The following HSD17B3 variants were observed in gnomAD, a reference collection of about 807,000 sequenced individuals.
The protein encoded by HSD17B3 is hydroxysteroid 17-beta dehydrogenase 3.
HSD17B3 carries 29 observed loss-of-function variants against 41.1 expected under a neutral mutation model. The ratio of observed to expected loss-of-function variants is 0.71; its 90% confidence interval spans 0.53 to 0.96. The LOEUF (loss-of-function observed/expected upper bound fraction) is 0.96. HSD17B3 is among the 40% of genes least tolerant of loss of function. The pLI is 0.00. For synonymous variants in HSD17B3, 126 were observed against 145.6 expected, an observed-to-expected ratio of 0.87 and a Z score of 0.97; for missense variants, 323 against 374.6, an observed-to-expected ratio of 0.86 and a Z score of 1.14.
intron 2 of HSD17B3, among the ~76,000 whole-genome samples, chr9:96,263,749 A>C (rs1825948109): frequency 6.6e-6 from 1 of 152,036 alleles, no homozygotes; most frequent in Admixed American, 6.6e-5. Flanking sequence ...ATAAAAAATA[A>C]AAATAAAAAT....
At chr9:96,258,315 T>G (rs1371642546) in intron 2 of HSD17B3, among the ~76,000 whole-genome samples, 1 of 152,214 alleles carries the variant, frequency 6.6e-6, no homozygotes, top group Admixed American at 6.5e-5. Context: ...TATTCCACAA[T>G]ATGTTTTTCA....
At chr9:96,254,030 C>T (rs1005981538) in intron 3 of HSD17B3, among the ~76,000 whole-genome samples, 15 of 152,116 alleles carry the variant, frequency 9.9e-5, no homozygotes, top group Admixed American at 9.8e-4. Flanking sequence ...GTCTCCATAA[C>T]TAAAGTCTCA....
At chr9:96,251,299 T>C in intron 5 of HSD17B3, 119 bp downstream of exon 5, 1 of 805,520 alleles carries the variant, frequency 1.2e-6, no homozygotes, top group Non-Finnish European at 2.2e-6. Context: ...ATACATACAG[T>C]CCAGGATTTC....
At chr9:96,264,793 A>G (rs1254420283) in intron 2 of HSD17B3, among the ~76,000 whole-genome samples, 1 of 152,236 alleles carries the variant, frequency 6.6e-6, no homozygotes, top group Non-Finnish European at 1.5e-5. Context: ...ATGATAGAAA[A>G]TTTAAGTTTC....
At chr9:96,268,200 C>T (rs543929604) in intron 2 of HSD17B3, among the ~76,000 whole-genome samples, 8 of 152,334 alleles carry the variant, frequency 5.3e-5, no homozygotes, top group East Asian at 1.9e-4. Flanking sequence ...GCTGGGATTA[C>T]AGGCATGAGT....
At chr9:96,266,554 G>A (rs1043959003) in intron 2 of HSD17B3, among the ~76,000 whole-genome samples, 1 of 152,156 alleles carries the variant, frequency 6.6e-6, no homozygotes, top group African/African-American at 2.4e-5. Context: ...ACAGGCATGA[G>A]CCACTGTGCC....
At chr9:96,243,081 G>C (rs879373656) in intron 9 of HSD17B3, among the ~76,000 whole-genome samples, 3 of 152,240 alleles carry the variant, frequency 2.0e-5, no homozygotes, top group Non-Finnish European at 4.4e-5. Flanking sequence ...CTGGGGCCCT[G>C]TGTCAGCACA....
chr9:96,281,400 C>T (rs1324328187), intron 2 of HSD17B3, among the ~76,000 whole-genome samples: 2 of 152,108 alleles, frequency 1.3e-5, no homozygotes, highest in East Asian at 1.9e-4. Flanking sequence ...AGAGGCCCAA[C>T]TTAGGGGAGT....
At chr9:96,292,286 G>C (rs1434680529) in intron 2 of HSD17B3, among the ~76,000 whole-genome samples, 3 of 152,212 alleles carry the variant, frequency 2.0e-5, no homozygotes, top group Non-Finnish European at 2.9e-5. Flanking sequence ...GTCCATTGGA[G>C]TGTTACAAGG....
chr9:96,257,665 A>G (rs1268306180), intron 2 of HSD17B3, among the ~76,000 whole-genome samples: 4 of 152,162 alleles, frequency 2.6e-5, no homozygotes, highest in African/African-American at 9.7e-5. Context: ...GGTATTCTAG[A>G]GTTGACCTTT....
In HSD17B3 at chr9:96,298,427, A is replaced by T; in HGVS notation, c.190T>A (p.Tyr64Asn). The change falls in exon 2 of 11, where the codon TAC (tyrosine) becomes AAC (asparagine). Residue 64 changes from tyrosine to asparagine, a missense_variant. Coordinates refer to ENST00000375263, the MANE Select transcript of HSD17B3 (RefSeq NM_000197.2). ...GGAAGATAGCTTACCTCGAACGAGT[A>T]CGCTTTCCCAATTCCATCGCCTGCT... ...TGAGDGIGKA[Y>N]SFELAKRGLN... The T allele has an allele frequency of 6.2e-7, 1 of 1,613,738 alleles. No homozygotes were observed. Among genetic ancestry groups the T allele is most frequent in the Non-Finnish European group, 8.5e-7 (1 of 1,179,584 alleles).
chr9:96,291,128 T>C (rs1436162875), intron 2 of HSD17B3, among the ~76,000 whole-genome samples: 1 of 150,848 alleles, frequency 6.6e-6, no homozygotes, highest in African/African-American at 2.4e-5. Context: ...CACCCCCACC[T>C]GGCAGTAACA....
chr9:96,289,055 GC>G (rs1325326473), intron 2 of HSD17B3, among the ~76,000 whole-genome samples: 1 of 151,846 alleles, frequency 6.6e-6, no homozygotes, highest in Non-Finnish European at 1.5e-5. Context: ...AATGCAATGA[GC>G]CGTGATCCCA....
chr9:96,265,596 T>A (rs1220225269), intron 2 of HSD17B3, among the ~76,000 whole-genome samples: 1 of 152,162 alleles, frequency 6.6e-6, no homozygotes, highest in Non-Finnish European at 1.5e-5. Context: ...TATGGTATTT[T>A]CAAGAGATAG....
At chr9:96,293,278 T>C (rs1827221851) in intron 2 of HSD17B3, among the ~76,000 whole-genome samples, 1 of 152,168 alleles carries the variant, frequency 6.6e-6, no homozygotes, top group African/African-American at 2.4e-5. Context: ...AGACTTTGAG[T>C]AAAGCATATT....
rs148475613 is a variant in HSD17B3 at position 96,242,449 on chromosome 9, C to T, written c.673-1542G>A. ...CTTTTTATGGATGGGAAAACTGAGG[C>T]TCACAGAGTTTAAACAAGCTGACCA... On this transcript the variant is annotated intron_variant, in intron 9 of 10. Coordinates refer to ENST00000375263, the MANE Select transcript of HSD17B3 (RefSeq NM_000197.2). Among the ~76,000 whole-genome samples the T allele has an allele frequency of 9.3e-4, 141 of 152,272 alleles. 1 individual carries two copies. The highest frequency in any genetic ancestry group is 8.7e-3 in the East Asian group (45 of 5,186).
intron 4 of HSD17B3, among the ~76,000 whole-genome samples, chr9:96,251,800 ATG>A: frequency 6.6e-6 from 1 of 152,220 alleles, no homozygotes; most frequent in South Asian, 2.1e-4. Flanking sequence ...TTTTGAAAAT[ATG>A]TGTGTTTAGG....
At chr9:96,262,208 T>C (rs1825886149) in intron 2 of HSD17B3, among the ~76,000 whole-genome samples, 1 of 146,256 alleles carries the variant, frequency 6.8e-6, no homozygotes, top group Non-Finnish European at 1.5e-5. Flanking sequence ...TTTCCCACAG[T>C]GGTTGTAAAC....
At chr9:96,236,634 C>T (rs1030652208) in intron 10 of HSD17B3, among the ~76,000 whole-genome samples, 20 of 152,192 alleles carry the variant, frequency 1.3e-4, no homozygotes, top group African/African-American at 4.1e-4. Context: ...TAAGGAAATA[C>T]GTGAAGCCTG....
Sources: allele counts gnomAD v4.1 joint callset (sites outside exome capture counted in the v4.1 genomes callset), GRCh38; gene constraint gnomAD v4.1.1; transcripts MANE v1.5; gene names NCBI Gene and HGNC (gene_info 2026-07-23, HGNC 2026-07-21).